The following MAST2 variants were observed in gnomAD, a reference collection of about 807,000 sequenced individuals.
The protein encoded by MAST2 is microtubule-associated serine/threonine-protein kinase 2.
In MAST2, 70 loss-of-function variants were observed where a neutral mutation model predicts 147.4. The ratio of observed to expected loss-of-function variants is 0.47; its 90% CI spans 0.39 to 0.58. MAST2 has a LOEUF of 0.58. Among genes scored for constraint, MAST2 ranks in the 20% least tolerant of loss-of-function variants. The pLI, the probability that MAST2 is intolerant of heterozygous loss-of-function variation, is 0.00. For missense variants in MAST2, 2,080 were observed against 2,302.3 expected (o/e 0.90, Z 1.98); for synonymous variants, 869 against 896.8 (o/e 0.97, Z 0.55).
At chr1:45,976,288 C>T (rs1473776255) in intron 5 of MAST2, among the ~76,000 whole-genome samples, 4 of 151,992 alleles carry the variant, frequency 2.6e-5, no homozygotes, top group South Asian at 4.2e-4. Context: ...AAACTAAATA[C>T]TCTTTAAGGC....
chr1:45,930,228 C>T (rs1655053884), intron 4 of MAST2, among the ~76,000 whole-genome samples: 2 of 152,220 alleles, frequency 1.3e-5, no homozygotes, highest in South Asian at 2.1e-4. Context: ...CAGGCACCCA[C>T]CACCACGCCT....
In MAST2 at chr1:45,915,667, G is replaced by A. The variant is rs184007116; in HGVS notation, c.500+33272G>A. ...GGAACTTGCAGTGAGCCGAGATGGC[G>A]CCACTGTACTCCAGCCTGGGTGACA... On this transcript the variant is annotated intron_variant, in intron 4 of 28. Coordinates refer to ENST00000361297, the MANE Select transcript of MAST2 (RefSeq NM_015112.3). Among the ~76,000 whole-genome samples the A allele has an allele frequency of 1.0e-3, 154 of 148,050 alleles. 1 individual carries two copies. Among genetic ancestry groups the A allele is most frequent in the African/African-American group, 3.5e-3 (142 of 40,020 alleles).
chr1:46,016,555 C>T (rs1481390909), intron 10 of MAST2, among the ~76,000 whole-genome samples: 1 of 152,124 alleles, frequency 6.6e-6, no homozygotes, highest in African/African-American at 2.4e-5. Context: ...ACAGCCAAAT[C>T]ATGAGTGAAC....
At chr1:45,827,659 A>T (rs1377311243) in intron 2 of MAST2, among the ~76,000 whole-genome samples, 2 of 149,666 alleles carry the variant, frequency 1.3e-5, no homozygotes, top group Non-Finnish European at 3.0e-5. Flanking sequence ...CATCATCATT[A>T]TTTTTTTTTT....
intron 4 of MAST2, among the ~76,000 whole-genome samples, chr1:45,882,799 A>G (rs1053923596): frequency 1.3e-5 from 2 of 152,202 alleles, no homozygotes; most frequent in Admixed American, 6.5e-5. Context: ...AACTTTTCTG[A>G]TAAGTTGAGG....
Position 46,022,037 on chromosome 1 carries a change from C to G in MAST2, c.1378C>G (p.Arg460Gly). Residue 460 changes from arginine to glycine, a missense_variant, in exon 12 of 29, where the codon CGC (arginine) becomes GGC (glycine). Around this residue, in one of 4 missense-constraint regions of MAST2, gnomAD observed 569 missense variants for 642.5 expected, o/e 0.89. Coordinates refer to ENST00000361297, the MANE Select transcript of MAST2 (RefSeq NM_015112.3). ...EGQGIKCDIP[R>G]YIVSQLGLTR... ...ACAAGGGATTAAATGTGACATTCCC[C>G]GCTACATCGTTAGCCAGCTGGGCCT... The G allele has an allele frequency of 6.2e-7, 1 of 1,614,182 alleles. No homozygotes were observed. The highest frequency in any genetic ancestry group is 8.5e-7 in the Non-Finnish European group (1 of 1,180,030).
intron 4 of MAST2, among the ~76,000 whole-genome samples, chr1:45,898,545 G>T (rs1386562265): frequency 6.6e-6 from 1 of 152,168 alleles, no homozygotes. Flanking sequence ...TTTACTCTGA[G>T]AATTTTTATC....
intron 5 of MAST2, among the ~76,000 whole-genome samples, chr1:45,960,277 G>A (rs1274901285): frequency 1.3e-5 from 2 of 152,138 alleles, no homozygotes. Context: ...GGGAAGCTGA[G>A]ATGGGCCAAT....
At chr1:45,840,712 C>G (rs1294222159) in intron 3 of MAST2, among the ~76,000 whole-genome samples, 1 of 152,170 alleles carries the variant, frequency 6.6e-6, no homozygotes, top group Non-Finnish European at 1.5e-5. Flanking sequence ...GCAACCTAAC[C>G]TAAGAGTATA....
chr1:45,841,321 A>G (rs1645266999), intron 3 of MAST2, among the ~76,000 whole-genome samples: 1 of 152,142 alleles, frequency 6.6e-6, no homozygotes. Flanking sequence ...TCATTTAACA[A>G]TATGAACAAA....
chr1:45,937,359 G>C (rs1258038867), intron 4 of MAST2, among the ~76,000 whole-genome samples: 1 of 150,710 alleles, frequency 6.6e-6, no homozygotes, highest in East Asian at 2.0e-4. Flanking sequence ...TCAAACTCCT[G>C]GGCCCAAGCG....
rs150210868 is a variant in MAST2, at chr1:45,978,911, C to T, written c.593-18813C>T. The stretch of plus-strand genomic sequence containing the variant: ...TAACAGGTATAGATTCATTTTTGGG[C>T]GATAAAAATGTTCTGGAATTATATA... On this transcript the variant is annotated intron_variant, in intron 5 of 28. Coordinates refer to ENST00000361297, the MANE Select transcript of MAST2 (RefSeq NM_015112.3). 1.1e-4 allele frequency among the ~76,000 whole-genome samples: 17 copies of T among 151,884 alleles called. 1 individual carries two copies. The East Asian group carries it at 2.5e-3, about 22-fold the overall frequency.
intron 4 of MAST2, among the ~76,000 whole-genome samples, chr1:45,893,683 G>A (rs748669836): frequency 5.9e-5 from 9 of 151,384 alleles, no homozygotes; most frequent in Non-Finnish European, 1.0e-4. Context: ...AAACGTTATG[G>A]ATAATGAGGA....
intron 3 of MAST2, among the ~76,000 whole-genome samples, chr1:45,860,667 A>C (rs1301642164): frequency 1.3e-5 from 2 of 151,576 alleles, no homozygotes; most frequent in Non-Finnish European, 1.5e-5. Flanking sequence ...CCCCATCTCT[A>C]CTAAAAATAC....
At chr1:45,866,669 C>A (rs1646163488) in intron 3 of MAST2, among the ~76,000 whole-genome samples, 1 of 152,120 alleles carries the variant, frequency 6.6e-6, no homozygotes, top group African/African-American at 2.4e-5. Flanking sequence ...TTCTAAACTG[C>A]CAGATTACAT....
chr1:45,981,539 C>G (rs1216935619), intron 5 of MAST2, among the ~76,000 whole-genome samples: 2 of 152,258 alleles, frequency 1.3e-5, no homozygotes, highest in East Asian at 3.9e-4. Flanking sequence ...ACCTTGTGGC[C>G]AATTTGTCAG....
At chr1:45,942,677 G>A (rs900221333) in intron 4 of MAST2, among the ~76,000 whole-genome samples, 4 of 152,158 alleles carry the variant, frequency 2.6e-5, no homozygotes, top group Admixed American at 6.5e-5. Flanking sequence ...TTGTGTGAAG[G>A]TGACTAGGAA....
intron 5 of MAST2, among the ~76,000 whole-genome samples, chr1:45,961,543 G>A (rs994899295): frequency 1.3e-5 from 2 of 152,176 alleles, no homozygotes; most frequent in African/African-American, 4.8e-5. Context: ...GCCTGGATCT[G>A]TAGACTCCAG....
intron 3 of MAST2, among the ~76,000 whole-genome samples, chr1:45,841,162 C>T (rs1428396569): frequency 2.6e-5 from 4 of 151,980 alleles, no homozygotes; most frequent in Non-Finnish European, 5.9e-5. Flanking sequence ...CTGTGCTGCC[C>T]AGGCTGGTCT....
Sources: allele counts gnomAD v4.1 joint callset (sites outside exome capture counted in the v4.1 genomes callset), GRCh38; gene constraint gnomAD v4.1.1; regional missense constraint gnomAD v4.1.1; transcripts MANE v1.5; gene names NCBI Gene and HGNC (gene_info 2026-07-23, HGNC 2026-07-21).